DCLK2: variants seen among roughly 807,000 people sequenced by gnomAD.
DCLK2 encodes the protein serine/threonine-protein kinase DCLK2.
In DCLK2, 31 loss-of-function variants were observed where a neutral mutation model predicts 78.4. That is an observed-to-expected ratio of 0.40 (90% confidence interval 0.30 to 0.53). The LOEUF (loss-of-function observed/expected upper bound fraction) is 0.53, where lower values mean the gene tolerates loss of function less well. Among genes scored for constraint, DCLK2 ranks in the 20% least tolerant of loss-of-function variants. The pLI is 0.61. For synonymous variants in DCLK2, 407 were observed against 374.9 expected, an observed-to-expected ratio of 1.09 and a Z score of -0.99; for missense variants, 872 against 973.7, an observed-to-expected ratio of 0.90 and a Z score of 1.39.
chr4:150,199,073 C>T lies in DCLK2; in HGVS notation c.961+970C>T, dbSNP rs746630881. 1.9e-6 allele frequency: 3 copies of T among 1,596,046 alleles called. No individual in the cohort carries two copies. In the East Asian group the frequency reaches 6.7e-5, roughly 36 times the overall value. On this transcript the variant is annotated intron_variant, in intron 4 of 15. Transcript: ENST00000296550. ...TCCAGTGCCTATTCTACAGCCAAAT[C>T]CCCAGGTGAGCCATGACTATTGTGG...
At chr4:150,161,710 A>T (rs1456484946) in intron 2 of DCLK2, among the ~76,000 whole-genome samples, 2 of 152,222 alleles carry the variant, frequency 1.3e-5, no homozygotes, top group East Asian at 3.8e-4. Context: ...ATTTGTAAGT[A>T]TTTTATTACA....
chr4:150,163,723 C>T (rs1192401691), intron 2 of DCLK2, among the ~76,000 whole-genome samples: 4 of 152,168 alleles, frequency 2.6e-5, no homozygotes, highest in Non-Finnish European at 1.5e-5. Context: ...TGCAGGCATG[C>T]TCAAGATTAT....
At chr4:150,101,884 G>T (rs1216039573) in intron 1 of DCLK2, among the ~76,000 whole-genome samples, 1 of 152,094 alleles carries the variant, frequency 6.6e-6, no homozygotes, top group Non-Finnish European at 1.5e-5. Flanking sequence ...AGTAGCTGAG[G>T]TATATTTCTT....
chr4:150,123,810 G>C (rs1732737223), intron 2 of DCLK2, among the ~76,000 whole-genome samples: 1 of 152,166 alleles, frequency 6.6e-6, no homozygotes, highest in Admixed American at 6.6e-5. Flanking sequence ...GGGAGGCCAG[G>C]GCGGGAAGAG....
chr4:150,096,964 A>G (rs1042724717), intron 1 of DCLK2, among the ~76,000 whole-genome samples: 1 of 152,120 alleles, frequency 6.6e-6, no homozygotes, highest in Admixed American at 6.5e-5. Flanking sequence ...AATCCTATAA[A>G]GAGGGCTGGA....
In DCLK2 at chr4:150,175,011, A is replaced by AAATATATATATATAT. The variant is rs1454035697; in HGVS notation, c.757-18126_757-18125insATATATATATATATA. ...AGACTCCGTCGCAAAAAAAAAAAAAAATATATATATATATATATATATTTA... is the reference window on the plus strand; with the variant it reads ...AGACTCCGTCGCAAAAAAAAAAAAAAAATATATATATATATATATATATATATATATATATATTTA... On this transcript the variant is annotated intron_variant, in intron 2 of 15. Transcript: ENST00000296550. Among the ~76,000 whole-genome samples, 24 of 9,976 alleles carry AAATATATATATATAT rather than the reference A, an allele frequency of 2.4e-3. 8 individuals are homozygous for AAATATATATATATAT. Among genetic ancestry groups the AAATATATATATATAT allele is most frequent in the South Asian group, 0.011 (4 of 380 alleles). 6.5% of individuals were successfully genotyped at this position (9,976 alleles called of 152,430 possible). A position where few individuals can be genotyped will look rare whatever the true frequency, so the allele number is the denominator to read the frequency against.
chr4:150,208,899 G>T (rs9307870), intron 5 of DCLK2, among the ~76,000 whole-genome samples: 133,509 of 152,110 alleles, frequency 0.88, 58,987 homozygotes, highest in Middle Eastern at 0.96. Context: ...TTGTCAAGAT[G>T]GGTATAGATT....
At chr4:150,079,587 T>C (rs1729091798) in intron 1 of DCLK2, 139 bp downstream of exon 1, 1 of 900,586 alleles carries the variant, frequency 1.1e-6, no homozygotes. Context: ...TCTCTAGAGA[T>C]TGGCTGGGGG....
At chr4:150,237,571 G>A (rs1348358802) in intron 10 of DCLK2, among the ~76,000 whole-genome samples, 1 of 152,156 alleles carries the variant, frequency 6.6e-6, no homozygotes, top group Non-Finnish European at 1.5e-5. Flanking sequence ...GGTAAGGGAG[G>A]TATTTCAGTG....
chr4:150,138,852 G>A (rs925104491), intron 2 of DCLK2, among the ~76,000 whole-genome samples: 1 of 152,054 alleles, frequency 6.6e-6, no homozygotes, highest in Non-Finnish European at 1.5e-5. Context: ...TTTTAGTAGA[G>A]ACAGGGTTTC....
At chr4:150,118,476 A>C (rs1227986534) in intron 2 of DCLK2, among the ~76,000 whole-genome samples, 1 of 152,202 alleles carries the variant, frequency 6.6e-6, no homozygotes, top group Non-Finnish European at 1.5e-5. Context: ...GCTTCAGAAA[A>C]TTTAGAAAAT....
chr4:150,081,703 A>T (rs892775773), intron 1 of DCLK2, among the ~76,000 whole-genome samples: 19 of 151,662 alleles, frequency 1.3e-4, no homozygotes, highest in African/African-American at 4.6e-4. Flanking sequence ...TTTTTTTTTT[A>T]AAGAAAATAT....
At chr4:150,148,729 T>G (rs570379582) in intron 2 of DCLK2, among the ~76,000 whole-genome samples, 1 of 152,050 alleles carries the variant, frequency 6.6e-6, no homozygotes, top group South Asian at 2.1e-4. Flanking sequence ...ATTCCTAGTT[T>G]GAGTTCTTTG....
chr4:150,202,782 G>A (rs1377547386), intron 4 of DCLK2, among the ~76,000 whole-genome samples: 1 of 152,016 alleles, frequency 6.6e-6, no homozygotes, highest in African/African-American at 2.4e-5. Context: ...TAATAAAACA[G>A]ATTATAAATA....
chr4:150,252,076 G>A (rs909127433), intron 15 of DCLK2, among the ~76,000 whole-genome samples: 3 of 152,164 alleles, frequency 2.0e-5, no homozygotes, highest in Non-Finnish European at 2.9e-5. Flanking sequence ...TTTTAGCAGT[G>A]TTTTGCTGAA....
chr4:150,080,433 C>A (rs1729174362), intron 1 of DCLK2, among the ~76,000 whole-genome samples: 1 of 152,144 alleles, frequency 6.6e-6, no homozygotes, highest in Non-Finnish European at 1.5e-5. Context: ...GAACCTGTTT[C>A]CAGTTCTAAA....
chr4:150,243,365 C>G (rs996067944), intron 12 of DCLK2, among the ~76,000 whole-genome samples: 4 of 151,036 alleles, frequency 2.6e-5, no homozygotes, highest in African/African-American at 9.7e-5. Context: ...GAAAGAGAAT[C>G]TGTAATGTTA....
chr4:150,079,178 A>T lies in DCLK2; in HGVS notation c.151A>T (p.Ser51Cys). 1 of 1,610,612 alleles carries T rather than the reference A, an allele frequency of 6.2e-7. No individual in the cohort carries two copies. The highest frequency in any genetic ancestry group is 8.5e-7 in the Non-Finnish European group (1 of 1,178,422). Residue 51 changes from serine to cysteine, a missense_variant, in exon 1 of 16, where the codon AGT becomes TGT. Around this residue, in one of 3 missense-constraint regions of DCLK2, gnomAD observed 567 missense variants for 593.4 expected, o/e 0.96. Transcript: ENST00000296550. ...GNGLIPSPAHSAHCSFYRTRT... is the reference protein window; with the variant it reads ...GNGLIPSPAHCAHCSFYRTRT... ...CGGGCTCATCCCCAGTCCGGCGCAC[A>T]GTGCCCACTGCAGCTTCTACCGCAC...
intron 2 of DCLK2, among the ~76,000 whole-genome samples, chr4:150,164,743 G>A (rs563750732): frequency 2.6e-4 from 40 of 152,154 alleles, no homozygotes; most frequent in Non-Finnish European, 5.4e-4. Flanking sequence ...AGGTTGCAGT[G>A]AGCTGAGATT....
Sources: allele counts gnomAD v4.1 joint callset (sites outside exome capture counted in the v4.1 genomes callset), GRCh38; gene constraint gnomAD v4.1.1; regional missense constraint gnomAD v4.1.1; transcripts MANE v1.5; gene names NCBI Gene and HGNC (gene_info 2026-07-23, HGNC 2026-07-21).